Variants in USP45 observed in about 807,000 individuals in gnomAD.
USP45 encodes ubiquitin specific peptidase 45.
Under a neutral mutation model 95.8 loss-of-function variants are expected in USP45, and 89 were observed. The ratio of observed to expected loss-of-function variants is 0.93; its 90% confidence interval spans 0.78 to 1.11. The LOEUF (loss-of-function observed/expected upper bound fraction) is 1.11, where lower values mean the gene tolerates loss of function less well. USP45 is among the 50% of genes least tolerant of loss of function. USP45 has a pLI of 0.00. For synonymous variants in USP45, 281 were observed against 316.2 expected, an observed-to-expected ratio of 0.89 and a Z score of 1.18; for missense variants, 898 against 942.5, an observed-to-expected ratio of 0.95 and a Z score of 0.62.
intron 13 of USP45, among the ~76,000 whole-genome samples, chr6:99,452,000 C>T (rs1189519979): frequency 6.6e-6 from 1 of 152,118 alleles, no homozygotes; most frequent in East Asian, 1.9e-4. Context: ...AAAATGGATC[C>T]CTTCCTTACA....
intron 8 of USP45, 182 bp downstream of exon 8, chr6:99,482,571 T>C (rs1189847506): frequency 2.0e-6 from 1 of 488,492 alleles, no homozygotes; most frequent in East Asian, 3.3e-5. Context: ...GAGGATAAGC[T>C]GCTTCTTCTG....
chr6:99,461,023 G>A (rs1263194715), intron 13 of USP45: 109 of 985,228 alleles, frequency 1.1e-4, no homozygotes, highest in Non-Finnish European at 1.3e-4. Context: ...CAGCTAACAG[G>A]TGGTGGGAAC....
At chr6:99,512,692 T>C (rs1194418619) in intron 1 of USP45, among the ~76,000 whole-genome samples, 4 of 152,188 alleles carry the variant, frequency 2.6e-5, no homozygotes, top group Admixed American at 6.5e-5. Context: ...CTTTCAAGTT[T>C]ACCATTAAGT....
chr6:99,469,354 T>G (rs187166458), intron 9 of USP45, among the ~76,000 whole-genome samples: 252 of 151,426 alleles, frequency 1.7e-3, no homozygotes, highest in Non-Finnish European at 2.9e-3. Context: ...CTTTTAACAT[T>G]AACTATGCCC....
At chr6:99,447,823 G>GGTA (rs1228218834) in intron 13 of USP45, among the ~76,000 whole-genome samples, 2 of 152,190 alleles carry the variant, frequency 1.3e-5, no homozygotes, top group Non-Finnish European at 2.9e-5. Flanking sequence ...ACCTCACACG[G>GGTA]CCGGGTACCC....
chr6:99,492,564 G>A (rs1795417592), intron 5 of USP45, among the ~76,000 whole-genome samples: 1 of 151,676 alleles, frequency 6.6e-6, no homozygotes, highest in South Asian at 2.1e-4. Context: ...TGTGATCTCA[G>A]CTCCACTGCA....
rs1026854771 is a variant in USP45 at position 99,468,523 on chromosome 6, A to G, written c.1015+14T>C. On this transcript the variant is annotated intron_variant, in intron 10 of 17. Transcript: ENST00000500704. ...TTTCTTAAAGAAAAAAGTTTTAACA[A>G]AGAGTCAACATACCTTTGACTTTTT... 1.9e-6 allele frequency: 3 copies of G among 1,542,554 alleles called. No homozygotes were observed. Among genetic ancestry groups the G allele is most frequent in the Non-Finnish European group, 2.7e-6 (3 of 1,131,928 alleles).
At chr6:99,452,160 A>G (rs1275842697) in intron 13 of USP45, among the ~76,000 whole-genome samples, 1 of 152,238 alleles carries the variant, frequency 6.6e-6, no homozygotes. Context: ...CAAAGGCAAC[A>G]AAAGCCAAAA....
Position 99,462,799 on chromosome 6 carries a change from A to G in USP45, c.1308+1805T>C, listed in dbSNP as rs546209105. On this transcript the variant is annotated intron_variant, in intron 13 of 17. Coordinates refer to ENST00000500704, the MANE Select transcript of USP45 (RefSeq NM_001346022.3). ...GGAGTTTGAGACCAGCCCAGCCAAC[A>G]TGACAAAACCCTATCTCTACAAAAA... 9.3e-4 allele frequency: 469 copies of G among 504,528 alleles called. 2 individuals are homozygous for G. The highest frequency in any genetic ancestry group is 9.2e-3 in the African/African-American group (439 of 47,860). 31.3% of individuals were successfully genotyped at this position (504,528 alleles called of 1,614,324 possible).
At chr6:99,469,488 T>TA (rs1562361351) in intron 9 of USP45, among the ~76,000 whole-genome samples, 31 of 2,508 alleles carry the variant, frequency 0.012, no homozygotes, top group African/African-American at 0.038. Flanking sequence ...ATATATATAT[T>TA]TTTTTTTTTT....
chr6:99,461,106 TA>T (rs540124746), intron 13 of USP45: 168 of 940,278 alleles, frequency 1.8e-4, no homozygotes, highest in Middle Eastern at 5.4e-4. Flanking sequence ...TTTTATGAAA[TA>T]AAAAAAAAAT....
intron 16 of USP45, among the ~76,000 whole-genome samples, chr6:99,438,953 T>G (rs1781021419): frequency 2.0e-5 from 3 of 152,246 alleles, no homozygotes; most frequent in African/African-American, 7.2e-5. Flanking sequence ...ACACAAAGAT[T>G]GTTAAATTTC....
chr6:99,483,082 C>T (rs1344229648), intron 7 of USP45, among the ~76,000 whole-genome samples, 199 bp from the exon 8 acceptor site: 3 of 151,976 alleles, frequency 2.0e-5, no homozygotes, highest in Admixed American at 6.6e-5. Flanking sequence ...ATTTTCATAT[C>T]CTCTGCCCTT....
chr6:99,517,804 T>C (rs1268584906), upstream of USP45, among the ~76,000 whole-genome samples: 1 of 151,938 alleles, frequency 6.6e-6, no homozygotes. Context: ...ATACACTCTT[T>C]ATTTTAAAAG....
chr6:99,454,948 G>A (rs552567984), intron 13 of USP45, among the ~76,000 whole-genome samples: 11 of 152,056 alleles, frequency 7.2e-5, no homozygotes, highest in East Asian at 5.8e-4. Context: ...AAATAAGCCC[G>A]GTGTGATGGC....
At chr6:99,455,194 C>T (rs1784783071) in intron 13 of USP45, among the ~76,000 whole-genome samples, 3 of 151,988 alleles carry the variant, frequency 2.0e-5, no homozygotes, top group Admixed American at 2.0e-4. Flanking sequence ...GTAATCCCAG[C>T]ACTTTGGGAG....
At chr6:99,506,283 C>T (rs566846838) in intron 4 of USP45, among the ~76,000 whole-genome samples, 1 of 152,202 alleles carries the variant, frequency 6.6e-6, no homozygotes, top group South Asian at 2.1e-4. Flanking sequence ...TTTATACTAC[C>T]AAAACAGTGT....
At chr6:99,478,220 G>GTTT (rs71021740) in intron 8 of USP45, among the ~76,000 whole-genome samples, 12 of 99,424 alleles carry the variant, frequency 1.2e-4, no homozygotes, top group Non-Finnish European at 2.1e-4. Flanking sequence ...ACTTAGATTT[G>GTTT]TTTTTTTTTT....
At chr6:99,461,498 T>C (rs1786467343) in intron 13 of USP45, 9 of 985,424 alleles carry the variant, frequency 9.1e-6, no homozygotes, top group Non-Finnish European at 1.1e-5. Context: ...AGTTTTACAG[T>C]GCTTTATTTA....
Sources: allele counts gnomAD v4.1 joint callset (sites outside exome capture counted in the v4.1 genomes callset), GRCh38; gene constraint gnomAD v4.1.1; transcripts MANE v1.5; gene names NCBI Gene and HGNC (gene_info 2026-07-23, HGNC 2026-07-21).